The following NSD1 variants were observed in gnomAD, a reference collection of about 807,000 sequenced individuals.
NSD1 encodes the protein nuclear receptor binding SET domain protein 1.
A neutral mutation model predicts 242.7 loss-of-function variants in NSD1; 26 were observed. That is an observed-to-expected ratio of 0.11 (90% CI 0.08 to 0.15). The LOEUF is 0.15. NSD1 is among the 10% of genes least tolerant of loss of function. The probability of loss-of-function intolerance (pLI) is 1.00; values close to 1 mark genes in which losing one functional copy is unlikely to be tolerated. For synonymous variants in NSD1, 1,106 were observed against 1,178.1 expected (o/e 0.94, Z 1.25); for missense variants, 2,495 against 3,272.8 (o/e 0.76, Z 5.80).
chr5:177,288,871 T>C lies in NSD1; in HGVS notation c.6204T>C (p.Thr2068=). ...YNLECLGNGK[T]VCKCGAPNCS... is the part of the protein sequence containing the mutation. Reference sequence around the variant, plus strand: ...TAGAATGTCTTGGGAATGGAAAGACTGTTTGCAAATGTGGAGCCCCGAACT... The same window carrying C: ...TAGAATGTCTTGGGAATGGAAAGACCGTTTGCAAATGTGGAGCCCCGAACT... The change falls in exon 21 of 23, where the codon ACT becomes ACC. Residue 2068 remains threonine (T), a synonymous_variant. Transcript: ENST00000439151. 6.2e-7 allele frequency: 1 copy of C among 1,614,192 alleles called. No homozygotes were observed. The highest frequency in any genetic ancestry group is 8.5e-7 in the Non-Finnish European group (1 of 1,180,018).
At chr5:177,266,170 A>G (rs1757434420) in intron 14 of NSD1, 2 of 1,069,498 alleles carry the variant, frequency 1.9e-6, no homozygotes, top group East Asian at 2.4e-5. Context: ...CACAGTGTTG[A>G]GCATGGACTC....
intron 13 of NSD1, 151 bp from the exon 14 acceptor site, chr5:177,259,838 G>A (rs1445697745): frequency 1.2e-6 from 1 of 813,096 alleles, no homozygotes; most frequent in Non-Finnish European, 2.0e-6. Flanking sequence ...TTTCTTGATG[G>A]ATCGAGTGTT....
At chr5:177,239,646 G>A in intron 7 of NSD1, 110 bp from the exon 8 acceptor site, 1 of 678,716 alleles carries the variant, frequency 1.5e-6, no homozygotes, top group African/African-American at 1.8e-5. Context: ...TAAGATGACG[G>A]GGAAAACATC....
chr5:177,210,460 T>G lies in NSD1; in HGVS notation c.2061T>G (p.Ser687=). The G allele has an allele frequency of 6.2e-7, 1 of 1,614,162 alleles. No homozygotes were observed. Among genetic ancestry groups the G allele is most frequent in the Non-Finnish European group, 8.5e-7 (1 of 1,180,016 alleles). The change falls in exon 5 of 23, where the codon TCT becomes TCG. Residue 687 remains serine (S), a synonymous_variant. Transcript: ENST00000439151. The stretch of plus-strand genomic sequence containing the variant: ...AGAAAAATGAAAAGATAAAGTATTC[T>G]AGGTTTGCTGCCACAAACACTAGGG... ...SMQKNEKIKY[S]RFAATNTRVK...
In NSD1 at chr5:177,230,551, C is replaced by A. The variant is rs370877038; in HGVS notation, c.3797-5270C>A. Reference sequence around the variant, plus strand: ...AATTATAAGAGGAAACGTGGCCAGGCGTGGTGGCTCAAGCCTATAATCCCA... The same window carrying A: ...AATTATAAGAGGAAACGTGGCCAGGAGTGGTGGCTCAAGCCTATAATCCCA... On this transcript the variant is annotated intron_variant, in intron 5 of 22. Coordinates refer to ENST00000439151, the MANE Select transcript of NSD1 (RefSeq NM_022455.5). Among the ~76,000 whole-genome samples the A allele has an allele frequency of 2.7e-4, 41 of 151,974 alleles. No individual in the cohort carries two copies. The East Asian group carries it at 4.7e-3, about 17-fold the overall frequency.
chr5:177,289,344 G>T (rs1369825837), intron 21 of NSD1, among the ~76,000 whole-genome samples: 1 of 151,810 alleles, frequency 6.6e-6, no homozygotes, highest in Non-Finnish European at 1.5e-5. Flanking sequence ...AAAATTCAAT[G>T]ACATTGAATA....
At chr5:177,290,669 A>G (rs2127274129) in intron 21 of NSD1, among the ~76,000 whole-genome samples, 1 of 152,334 alleles carries the variant, frequency 6.6e-6, no homozygotes, top group East Asian at 1.9e-4. Flanking sequence ...TCAGCCTCCC[A>G]AAGTGCTGGG....
Position 177,220,563 on chromosome 5 carries a change from CTTTTTTT to C in NSD1, c.3796+8386_3796+8392del, listed in dbSNP as rs869220346. Among the ~76,000 whole-genome samples, 669 of 84,348 alleles carry C rather than the reference CTTTTTTT, an allele frequency of 7.9e-3. 5 individuals are homozygous for C. The highest frequency in any genetic ancestry group is 0.022 in the African/African-American group (464 of 21,544). The allele number at this position is 84,348 out of a possible 152,430, so 55.3% of individuals were successfully genotyped here. ...TCCATTTTTTTTCTTATAGTAATTG[CTTTTTTT>C]TTTTTTTTTTTTTTTTTGAAACAGA... On this transcript the variant is annotated intron_variant, in intron 5 of 22. Coordinates refer to ENST00000439151, the MANE Select transcript of NSD1 (RefSeq NM_022455.5).
intron 18 of NSD1, among the ~76,000 whole-genome samples, 186 bp from the exon 19 acceptor site, chr5:177,282,279 G>A (rs1758951628): frequency 6.6e-6 from 1 of 152,152 alleles, no homozygotes; most frequent in African/African-American, 2.4e-5. Flanking sequence ...ACAGTGGTAG[G>A]AGTAAGGAGG....
At chr5:177,266,924 G>T (rs1210253348) in intron 14 of NSD1, among the ~76,000 whole-genome samples, 1 of 152,228 alleles carries the variant, frequency 6.6e-6, no homozygotes, top group African/African-American at 2.4e-5. Flanking sequence ...GAGTGCAGTG[G>T]TGCTGTCTTG....
At chr5:177,226,481 G>A (rs949951981) in intron 5 of NSD1, among the ~76,000 whole-genome samples, 1 of 152,084 alleles carries the variant, frequency 6.6e-6, no homozygotes, top group Admixed American at 6.6e-5. Flanking sequence ...AATTGCTATC[G>A]AGGTTTATTT....
intron 18 of NSD1, 25 bp from the exon 19 acceptor site, chr5:177,282,440 A>T (rs2127260271): frequency 4.7e-6 from 7 of 1,489,684 alleles, no homozygotes; most frequent in Non-Finnish European, 6.6e-6. Flanking sequence ...TTTGCCATTA[A>T]GTCAGGAGGT....
rs921930301 is a variant in NSD1 at position 177,134,655 on chromosome 5, C to T, written c.-17-432C>T. ...TTGTGACCGCTGCGCCCTAGCGAGCCAGGAAGGGGGGGGTACCTTTTTGTG... is the reference window on the plus strand; with the variant it reads ...TTGTGACCGCTGCGCCCTAGCGAGCTAGGAAGGGGGGGGTACCTTTTTGTG... On this transcript the variant is annotated intron_variant, in intron 1 of 22. Transcript: ENST00000439151. The surrounding 1 kb of genome is among the most constrained non-coding windows in gnomAD (Gnocchi z 4.2). 3.9e-5 allele frequency among the ~76,000 whole-genome samples: 6 copies of T among 152,138 alleles called. No individual in the cohort carries two copies. The highest frequency in any genetic ancestry group is 8.8e-5 in the Non-Finnish European group (6 of 67,998).
chr5:177,270,685 C>T (rs1224641994), intron 16 of NSD1, among the ~76,000 whole-genome samples: 1 of 152,084 alleles, frequency 6.6e-6, no homozygotes, highest in Non-Finnish European at 1.5e-5. Context: ...AAGACTTTGT[C>T]TATAGGGTGA....
intron 5 of NSD1, among the ~76,000 whole-genome samples, chr5:177,232,541 A>G (rs1165513155): frequency 6.6e-6 from 1 of 152,198 alleles, no homozygotes; most frequent in Non-Finnish European, 1.5e-5. Context: ...CTATCCTTCC[A>G]TCACCCTTCA....
intron 6 of NSD1, among the ~76,000 whole-genome samples, chr5:177,237,531 C>CTTTT (rs35657331): frequency 4.9e-5 from 6 of 123,152 alleles, no homozygotes; most frequent in African/African-American, 9.5e-5. Flanking sequence ...ATTATTTTAT[C>CTTTT]TTTTTTTTTT....
intron 2 of NSD1, among the ~76,000 whole-genome samples, chr5:177,139,310 A>G (rs1581102412): frequency 6.7e-6 from 1 of 149,906 alleles, no homozygotes; most frequent in East Asian, 2.0e-4. Context: ...CTAAAAATAC[A>G]AAAATTAGCT....
At chr5:177,144,233 T>G (rs1009340347) in intron 2 of NSD1, among the ~76,000 whole-genome samples, 3 of 150,966 alleles carry the variant, frequency 2.0e-5, no homozygotes, top group African/African-American at 7.4e-5. Flanking sequence ...TTTTTTTTTT[T>G]CTTTCTGAGA....
chr5:177,137,487 C>G (rs1477702693), intron 2 of NSD1: 1 of 151,962 alleles, frequency 6.6e-6, no homozygotes, highest in African/African-American at 2.4e-5. Flanking sequence ...TTAATTATGC[C>G]TTGGTACTCC....
Sources: allele counts gnomAD v4.1 joint callset (sites outside exome capture counted in the v4.1 genomes callset), GRCh38; gene constraint gnomAD v4.1.1; non-coding constraint Gnocchi (gnomAD v3.1); transcripts MANE v1.5; gene names NCBI Gene and HGNC (gene_info 2026-07-23, HGNC 2026-07-21).